PPP1R14C: variants seen among roughly 807,000 people sequenced by gnomAD.
The protein encoded by PPP1R14C is protein phosphatase 1 regulatory subunit 14C.
A neutral mutation model predicts 20.4 loss-of-function variants in PPP1R14C; 16 were observed. The observed-to-expected ratio is 0.78, with a 90% confidence interval of 0.53 to 1.19. The LOEUF is 1.19. Among genes scored for constraint, PPP1R14C ranks in the 50% most tolerant of loss-of-function variants. The probability of loss-of-function intolerance (pLI) is 0.00; values close to 1 mark genes in which losing one functional copy is unlikely to be tolerated. For missense variants in PPP1R14C, 211 were observed against 220.1 expected, an observed-to-expected ratio of 0.96 and a Z score of 0.26; for synonymous variants, 91 against 91.0, an observed-to-expected ratio of 1.00 and a Z score of 0.00.
rs1164433647 is a variant in PPP1R14C, at chr6:150,168,150, C to CTT, written c.306+24671_306+24672dup. On this transcript the variant is annotated intron_variant, in intron 1 of 3. Transcript: ENST00000361131. ...TTCTCCCTAACACAATACAGCGTCCCTTTTTTTTTTTTTTTTTTTTGTCTT... is the reference window on the plus strand; with the variant it reads ...TTCTCCCTAACACAATACAGCGTCCCTTTTTTTTTTTTTTTTTTTTTTGTCTT... Among the ~76,000 whole-genome samples, 81 of 79,170 alleles carry CTT rather than the reference C, an allele frequency of 1.0e-3. 3 individuals are homozygous for CTT. The highest frequency in any genetic ancestry group is 7.5e-3 in the East Asian group (20 of 2,682). The allele number at this position is 79,170 out of a possible 152,430, so 51.9% of individuals were successfully genotyped here.
chr6:150,243,704 T>C (rs1455971809), intron 3 of PPP1R14C, among the ~76,000 whole-genome samples: 1 of 152,196 alleles, frequency 6.6e-6, no homozygotes, highest in Admixed American at 6.5e-5. Flanking sequence ...GCATATTCCA[T>C]ACAAAGATTT....
chr6:150,239,858 G>T (rs1454850070), intron 3 of PPP1R14C, among the ~76,000 whole-genome samples: 20 of 152,144 alleles, frequency 1.3e-4, no homozygotes, highest in Admixed American at 1.3e-3. Flanking sequence ...TTTAAGACCA[G>T]CCTGGCCAAC....
chr6:150,203,502 G>A (rs930041935), intron 1 of PPP1R14C, among the ~76,000 whole-genome samples: 2 of 152,108 alleles, frequency 1.3e-5, no homozygotes, highest in Non-Finnish European at 2.9e-5. Context: ...CGGCTTTTCC[G>A]TATCATCTTC....
chr6:150,199,928 A>T (rs1330323638), intron 1 of PPP1R14C, among the ~76,000 whole-genome samples: 1 of 152,082 alleles, frequency 6.6e-6, no homozygotes, highest in African/African-American at 2.4e-5. Flanking sequence ...TTGTTAGAGC[A>T]GTGCAGATGG....
rs910026946 is a variant in PPP1R14C, at chr6:150,201,290, A to G, written c.307-13454A>G. Among the ~76,000 whole-genome samples the G allele has an allele frequency of 6.6e-6, 1 of 152,186 alleles. No homozygotes were observed. The highest frequency in any genetic ancestry group is 2.4e-5 in the African/African-American group (1 of 41,446). On this transcript the variant is annotated intron_variant, in intron 1 of 3. Coordinates refer to ENST00000361131, the MANE Select transcript of PPP1R14C (RefSeq NM_030949.3). This position sits in a 1 kb window ranked among gnomAD's most constrained non-coding sequence, Gnocchi z 4.2. ...AGAAATGTGAATTGGAAGAGTGTGG[A>G]AAGTGCAGCGAAAGAGAGGTGCAGG...
chr6:150,159,853 T>C (rs1273567093), intron 1 of PPP1R14C, among the ~76,000 whole-genome samples: 1 of 152,192 alleles, frequency 6.6e-6, no homozygotes, highest in Non-Finnish European at 1.5e-5. Flanking sequence ...CCTTTTTCTG[T>C]TCCAGGATCC....
intron 1 of PPP1R14C, among the ~76,000 whole-genome samples, 179 bp from the exon 2 acceptor site, chr6:150,214,565 T>C (rs546883601): frequency 1.1e-4 from 16 of 151,542 alleles, no homozygotes; most frequent in African/African-American, 3.4e-4. Flanking sequence ...CCCTTCATCC[T>C]GTTTCCCCTT....
chr6:150,221,597 G>A (rs982927250), intron 3 of PPP1R14C, among the ~76,000 whole-genome samples: 1 of 152,134 alleles, frequency 6.6e-6, no homozygotes, highest in African/African-American at 2.4e-5. Flanking sequence ...ATCCCTCATT[G>A]CAGAAGTAGG....
chr6:150,162,255 A>G (rs1275151604), intron 1 of PPP1R14C, among the ~76,000 whole-genome samples: 1 of 152,148 alleles, frequency 6.6e-6, no homozygotes, highest in African/African-American at 2.4e-5. Context: ...GGGTTTCGCC[A>G]TGTTGGCCAG....
At chr6:150,246,534 T>G (rs1053968252) in intron 3 of PPP1R14C, among the ~76,000 whole-genome samples, 1 of 152,180 alleles carries the variant, frequency 6.6e-6, no homozygotes, top group Non-Finnish European at 1.5e-5. Flanking sequence ...TAAATCAGAA[T>G]AGACAGTGTT....
intron 3 of PPP1R14C, among the ~76,000 whole-genome samples, chr6:150,228,027 C>A (rs892295488): frequency 4.6e-5 from 7 of 152,198 alleles, no homozygotes; most frequent in African/African-American, 1.7e-4. Context: ...ACATTTGAGT[C>A]CAAATCCTAT....
chr6:150,149,455 C>CTTTTA (rs1777219956), intron 1 of PPP1R14C, among the ~76,000 whole-genome samples: 1 of 35,484 alleles, frequency 2.8e-5, no homozygotes, highest in South Asian at 1.1e-3. Flanking sequence ...TTTTTTTTTT[C>CTTTTA]TTTTTTTTTT....
rs535107254 is a variant in PPP1R14C, at chr6:150,190,440, T to TC, written c.307-24304_307-24303insC. 3.3e-3 allele frequency among the ~76,000 whole-genome samples: 503 copies of TC among 151,494 alleles called. 8 individuals carry two copies. The highest frequency in any genetic ancestry group is 0.012 in the African/African-American group (490 of 41,212). Reference sequence around the variant, plus strand: ...CTAGATCTCTGTATTTTGCCTTTTTTTTTTTTTGAGATGGAGTCTCTCTGT... The same window carrying TC: ...CTAGATCTCTGTATTTTGCCTTTTTTCTTTTTTTGAGATGGAGTCTCTCTGT... On this transcript the variant is annotated intron_variant, in intron 1 of 3. Coordinates refer to ENST00000361131, the MANE Select transcript of PPP1R14C (RefSeq NM_030949.3).
chr6:150,216,771 A>T lies in PPP1R14C; in HGVS notation c.391-53A>T. On this transcript the variant is annotated intron_variant, in intron 2 of 3. Transcript: ENST00000361131. ...AATGATTTTTAATTTTGCCTTAAAA[A>T]TAATGCTGAATTTTAAAATAATAAA... 6 of 1,262,634 alleles carry T rather than the reference A, an allele frequency of 4.8e-6. No individual in the cohort carries two copies. In the South Asian group the frequency reaches 8.1e-5, roughly 17 times the overall value. The allele number at this position is 1,262,634 out of a possible 1,614,324, so 78.2% of individuals were successfully genotyped here.
At chr6:150,165,001 C>T (rs1344828313) in intron 1 of PPP1R14C, among the ~76,000 whole-genome samples, 7 of 152,216 alleles carry the variant, frequency 4.6e-5, no homozygotes, top group African/African-American at 1.2e-4. Context: ...GAAGCTGGCT[C>T]TCACCAGACA....
At chr6:150,179,918 TG>T (rs1777603135) in intron 1 of PPP1R14C, among the ~76,000 whole-genome samples, 1 of 152,138 alleles carries the variant, frequency 6.6e-6, no homozygotes, top group Non-Finnish European at 1.5e-5. Flanking sequence ...TTAACTGAGA[TG>T]GGCCAGGCAC....
intron 3 of PPP1R14C, among the ~76,000 whole-genome samples, chr6:150,241,344 C>T (rs12664676): frequency 0.26 from 39,373 of 152,150 alleles, 5,914 homozygotes; most frequent in East Asian, 0.41. Flanking sequence ...TGCTGTTCAT[C>T]TGTATCCTTT....
At chr6:150,208,397 C>T (rs1777980438) in intron 1 of PPP1R14C, among the ~76,000 whole-genome samples, 1 of 152,208 alleles carries the variant, frequency 6.6e-6, no homozygotes, top group South Asian at 2.1e-4. Context: ...AGTGTTCTGA[C>T]ATTATATAGT....
intron 1 of PPP1R14C, among the ~76,000 whole-genome samples, chr6:150,173,805 C>T (rs1391663074): frequency 6.6e-6 from 1 of 152,080 alleles, no homozygotes; most frequent in Non-Finnish European, 1.5e-5. Flanking sequence ...GAGCCCAAGA[C>T]TGCAGACCTG....
Sources: allele counts gnomAD v4.1 joint callset (sites outside exome capture counted in the v4.1 genomes callset), GRCh38; gene constraint gnomAD v4.1.1; non-coding constraint Gnocchi (gnomAD v3.1); transcripts MANE v1.5; gene names NCBI Gene and HGNC (gene_info 2026-07-23, HGNC 2026-07-21).